RFX2: variants seen among roughly 807,000 people sequenced by gnomAD.
RFX2 encodes DNA-binding protein RFX2.
RFX2 carries 20 observed loss-of-function variants against 87.8 expected under a neutral mutation model. That is an observed-to-expected ratio of 0.23 (90% confidence interval 0.16 to 0.33). The LOEUF is 0.33. Ranked by LOEUF, RFX2 falls within the 10% of genes least tolerant of loss-of-function variation. RFX2 has a pLI of 1.00. For missense variants in RFX2, 767 were observed against 1,012.3 expected, an observed-to-expected ratio of 0.76 and a Z score of 3.29; for synonymous variants, 397 against 431.3, an observed-to-expected ratio of 0.92 and a Z score of 0.98.
intron 1 of RFX2, among the ~76,000 whole-genome samples, chr19:6,087,816 A>G (rs1429318085): frequency 6.6e-6 from 1 of 152,210 alleles, no homozygotes; most frequent in Non-Finnish European, 1.5e-5. Context: ...TTGATTAGCC[A>G]TGGCACATTC....
Position 6,080,202 on chromosome 19 carries a change from ATGTGTGTGTGTGTG to A in RFX2, c.-9+30177_-9+30190del, listed in dbSNP as rs368062995. Among the ~76,000 whole-genome samples the A allele has an allele frequency of 5.1e-5, 7 of 138,508 alleles. No homozygotes were observed. The East Asian group carries it at 6.8e-4, about 13-fold the overall frequency. 90.9% of individuals were successfully genotyped at this position (138,508 alleles called of 152,430 possible). A position where few individuals can be genotyped will look rare whatever the true frequency, so the allele number is the denominator to read the frequency against. On this transcript the variant is annotated intron_variant, in intron 1 of 17. Coordinates refer to ENST00000303657, the MANE Select transcript of RFX2 (RefSeq NM_000635.4). ...GGGACCACAGGCACATGCCTGGTTA[ATGTGTGTGTGTGTG>A]TGTGTGTGTGTGTGTGTGTGTGTAT...
In RFX2 at chr19:6,072,859, G is replaced by A. The variant is rs552261713; in HGVS notation, c.-8-25355C>T. The A allele has an allele frequency of 2.7e-4, 347 of 1,309,296 alleles. 4 individuals are homozygous for A. In the South Asian group the frequency reaches 3.2e-3, roughly 12 times the overall value. The allele number at this position is 1,309,296 out of a possible 1,614,324, so 81.1% of individuals were successfully genotyped here. A position where few individuals can be genotyped will look rare whatever the true frequency, so the allele number is the denominator to read the frequency against. ...CAGACCCCTCGTGAAGCCCAAGATC[G>A]TCAAAAAGAGAACCAAGGAGTTCAT... On this transcript the variant is annotated intron_variant, in intron 1 of 17. Coordinates refer to ENST00000303657, the MANE Select transcript of RFX2 (RefSeq NM_000635.4).
Position 6,016,137 on chromosome 19 carries a change from C to T in RFX2, c.732G>A (p.Leu244=). ...TCAGCCCCATAAACACAGAACGGAT[C>T]AGTTTCCCGAAGGAGGCGGCGTTCA... The part of the protein sequence containing the change: ...DPVNAASFGK[L]IRSVFMGLRT... Residue 244 remains leucine, a synonymous_variant, in exon 7 of 18, where the codon CTG becomes CTA. Transcript: ENST00000303657. The surrounding 1 kb of genome is among the most constrained non-coding windows in gnomAD (Gnocchi z 5.4). 1 of 1,613,998 alleles carries T rather than the reference C, an allele frequency of 6.2e-7. No homozygotes were observed. Among genetic ancestry groups the T allele is most frequent in the South Asian group, 1.1e-5 (1 of 91,040 alleles).
intron 1 of RFX2, among the ~76,000 whole-genome samples, chr19:6,084,397 T>G (rs1303477451): frequency 6.6e-6 from 1 of 152,142 alleles, no homozygotes; most frequent in African/African-American, 2.4e-5. Flanking sequence ...TTTAACCATG[T>G]TTAATATACA....
At chr19:6,066,917 C>T (rs1002085566) in intron 1 of RFX2, among the ~76,000 whole-genome samples, 2 of 152,158 alleles carry the variant, frequency 1.3e-5, no homozygotes, top group Non-Finnish European at 2.9e-5. Context: ...CTCTATCTCA[C>T]ATTAACCAGA....
chr19:6,019,510 G>GCA (rs2086777133), intron 6 of RFX2, among the ~76,000 whole-genome samples: 1 of 97,232 alleles, frequency 1.0e-5, no homozygotes, highest in Non-Finnish European at 2.0e-5. Flanking sequence ...TAGTGTGTGA[G>GCA]TATGTGTGTG....
rs1599851485 is a variant in RFX2 at position 6,013,267 on chromosome 19, T to A, written c.780-162A>T. ...GCAGTGCCATCTCGGCTCACTGCAA[T>A]CTCCGCCTCCCGGGTTTAAGAGATT... is the stretch of plus-strand genomic sequence containing the variant. On this transcript the variant is annotated intron_variant, in intron 7 of 17. Transcript: ENST00000303657. This position sits in a 1 kb window ranked among gnomAD's most constrained non-coding sequence, Gnocchi z 4.1. 6.6e-6 allele frequency among the ~76,000 whole-genome samples: 1 copy of A among 151,642 alleles called. No homozygotes were observed. Among genetic ancestry groups the A allele is most frequent in the South Asian group, 2.1e-4 (1 of 4,818 alleles).
chr19:6,047,485 G>A lies in RFX2; in HGVS notation c.12C>T (p.Ser4=). 3 of 1,608,640 alleles carry A rather than the reference G, an allele frequency of 1.9e-6. No homozygotes were observed. Among genetic ancestry groups the A allele is most frequent in the South Asian group, 2.2e-5 (2 of 90,046 alleles). Residue 4 remains serine (S), a synonymous_variant, in exon 2 of 18, where the codon TCC becomes TCT. Transcript: ENST00000303657. This position sits in a 1 kb window ranked among gnomAD's most constrained non-coding sequence, Gnocchi z 4.2. MQN[S]EGGADSPASV... Reference sequence around the variant, plus strand: ...ACGCTGGCGAATCCGCTCCACCCTCGGAATTCTGCATGCTCAGGTCTAAAG... The same window carrying A: ...ACGCTGGCGAATCCGCTCCACCCTCAGAATTCTGCATGCTCAGGTCTAAAG...
intron 1 of RFX2, among the ~76,000 whole-genome samples, chr19:6,090,248 A>G (rs1599924964): frequency 6.6e-6 from 1 of 151,954 alleles, no homozygotes; most frequent in East Asian, 1.9e-4. Context: ...GATTACAAGC[A>G]TGAGCCACCA....
Position 6,026,256 on chromosome 19 carries a change from G to A in RFX2, c.523-19C>T, listed in dbSNP as rs748036851. 1 of 1,567,104 alleles carries A rather than the reference G, an allele frequency of 6.4e-7. No homozygotes were observed. On this transcript the variant is annotated intron_variant, in intron 5 of 17. Transcript: ENST00000303657. This position sits in a 1 kb window ranked among gnomAD's most constrained non-coding sequence, Gnocchi z 4.5. ...TTTCAAGCTAAAGAAAATGTGTGCA[G>A]AAACAAAACAAAACAAAATGGAAAA...
At chr19:6,009,773 C>G (rs1037396739) in intron 9 of RFX2, among the ~76,000 whole-genome samples, 4 of 152,076 alleles carry the variant, frequency 2.6e-5, no homozygotes, top group African/African-American at 9.7e-5. Context: ...AGTATGTTGC[C>G]TAGGCTGGTC....
chr19:6,099,236 T>C (rs1305655095), intron 1 of RFX2, among the ~76,000 whole-genome samples: 4 of 152,182 alleles, frequency 2.6e-5, no homozygotes, highest in Non-Finnish European at 5.9e-5. Context: ...ATTCGGGATT[T>C]CATATTCTCC....
At chr19:6,081,606 C>G (rs1456217513) in intron 1 of RFX2, among the ~76,000 whole-genome samples, 1 of 152,126 alleles carries the variant, frequency 6.6e-6, no homozygotes, top group African/African-American at 2.4e-5. Context: ...TACCATTATC[C>G]AAAAATTAAA....
chr19:6,013,094 T>C lies in RFX2; in HGVS notation c.791A>G (p.Lys264Arg), dbSNP rs893770210. The C allele has an allele frequency of 3.8e-6, 6 of 1,589,534 alleles. No individual in the cohort carries two copies. The highest frequency in any genetic ancestry group is 5.1e-6 in the Non-Finnish European group (6 of 1,169,084). The change falls in exon 8 of 18, where the codon AAG (lysine) becomes AGG (arginine). Residue 264 changes from lysine to arginine, a missense_variant. Physicochemically the swap from Lys to Arg is conservative, Grantham distance 26. Transcript: ENST00000303657. This position sits in a 1 kb window ranked among gnomAD's most constrained non-coding sequence, Gnocchi z 4.1. ...CAGACGAATCCCATAGTAATGGTAC[T>C]TCGAGTTGCCCCTGGAAACCAAACA... ...TRRLGTRGNS[K>R]YHYYGIRLKP... is the part of the protein sequence containing the mutation.
rs1322762650 is a variant in RFX2 at position 6,064,671 on chromosome 19, C to T, written c.-8-17167G>A. On this transcript the variant is annotated intron_variant, in intron 1 of 17. Transcript: ENST00000303657. The surrounding 1 kb of genome is among the most constrained non-coding windows in gnomAD (Gnocchi z 4.8). ...CTGTGTGACCCTTCCTCCTGACAGC[C>T]ATCTCTAGAGACAGCCAGTGAGGGC... 6.6e-6 allele frequency among the ~76,000 whole-genome samples: 1 copy of T among 152,226 alleles called. No homozygotes were observed. The highest frequency in any genetic ancestry group is 1.9e-4 in the East Asian group (1 of 5,190).
intron 1 of RFX2, among the ~76,000 whole-genome samples, chr19:6,053,321 G>A (rs948792189): frequency 6.6e-6 from 1 of 152,244 alleles, no homozygotes; most frequent in African/African-American, 2.4e-5. Context: ...GAAAAGATCA[G>A]TGGTTGCCAG....
At chr19:6,070,147 G>A (rs201715111) in intron 1 of RFX2, among the ~76,000 whole-genome samples, 6 of 4,510 alleles carry the variant, frequency 1.3e-3, no homozygotes, top group Non-Finnish European at 2.5e-3. Context: ...GGATGGGATG[G>A]GATGTGGATG....
chr19:6,088,118 C>T (rs1432799370), intron 1 of RFX2, among the ~76,000 whole-genome samples: 1 of 152,036 alleles, frequency 6.6e-6, no homozygotes, highest in Admixed American at 6.5e-5. Context: ...CAGAGCCCTT[C>T]CCAGCCCAGA....
intron 3 of RFX2, 152 bp from the exon 4 acceptor site, chr19:6,042,275 C>G: frequency 2.9e-6 from 2 of 696,280 alleles, no homozygotes; most frequent in East Asian, 2.7e-5. Context: ...TAGAAAGACA[C>G]TGAGGAGACA....
Sources: gnomAD v4.1 joint callset for allele counts (sites outside exome capture counted in the v4.1 genomes callset) on GRCh38, gnomAD v4.1.1 for gene constraint, Gnocchi (gnomAD v3.1) non-coding constraint, MANE v1.5 for transcripts, NCBI Gene and HGNC (gene_info 2026-07-23, HGNC 2026-07-21) for gene names.